Variants in ME1 observed in about 807,000 individuals in gnomAD.
ME1 encodes NADP-dependent malic enzyme.
A neutral mutation model predicts 66.4 loss-of-function variants in ME1; 74 were observed. That is an observed-to-expected ratio of 1.11 (90% CI 0.92 to 1.35). The LOEUF is 1.35. Ranked by LOEUF, ME1 falls within the 40% of genes most tolerant of loss-of-function variation. The pLI, the probability that ME1 is intolerant of heterozygous loss-of-function variation, is 0.00. For synonymous variants in ME1, 251 were observed against 235.6 expected (o/e 1.07, Z -0.60); for missense variants, 750 against 694.1 (o/e 1.08, Z -0.90).
At chr6:83,359,100 C>T (rs778484775) in intron 3 of ME1, among the ~76,000 whole-genome samples, 4 of 151,714 alleles carry the variant, frequency 2.6e-5, no homozygotes, top group South Asian at 2.1e-4. Flanking sequence ...TGGGCAGAGG[C>T]GCTCCTCACA....
At chr6:83,217,259 A>C (rs1433962598) in intron 12 of ME1, among the ~76,000 whole-genome samples, 2 of 152,186 alleles carry the variant, frequency 1.3e-5, no homozygotes, top group African/African-American at 4.8e-5. Flanking sequence ...ACTTTGATTA[A>C]ATTTCTAGAT....
chr6:83,403,476 G>A (rs953585204), intron 2 of ME1, among the ~76,000 whole-genome samples: 4 of 152,060 alleles, frequency 2.6e-5, no homozygotes, highest in Admixed American at 1.3e-4. Context: ...GCTTTCTTAG[G>A]CCTCTTTTAT....
intron 6 of ME1, among the ~76,000 whole-genome samples, chr6:83,268,024 T>G (rs1159739092): frequency 2.0e-5 from 3 of 152,188 alleles, no homozygotes; most frequent in Non-Finnish European, 2.9e-5. Flanking sequence ...AAAGGTGGCA[T>G]GCTCTATAAA....
intron 2 of ME1, among the ~76,000 whole-genome samples, chr6:83,401,923 A>G (rs1769848464): frequency 6.6e-6 from 1 of 152,202 alleles, no homozygotes; most frequent in African/African-American, 2.4e-5. Context: ...TTTCTGGCAT[A>G]GACCCTTAGT....
chr6:83,412,672 CA>C (rs11291989), intron 1 of ME1, among the ~76,000 whole-genome samples: 55,586 of 151,748 alleles, frequency 0.37, 10,685 homozygotes, highest in Middle Eastern at 0.49. Flanking sequence ...AGTAAAAAAA[CA>C]AAACTATTGA....
intron 3 of ME1, among the ~76,000 whole-genome samples, chr6:83,377,341 G>A (rs1251565558): frequency 6.6e-6 from 1 of 151,944 alleles, no homozygotes; most frequent in Non-Finnish European, 1.5e-5. Context: ...ATCTCTACAT[G>A]TTTTTTGGCA....
At chr6:83,417,366 G>T (rs201985122) in intron 1 of ME1, among the ~76,000 whole-genome samples, 1 of 130,712 alleles carries the variant, frequency 7.7e-6, no homozygotes, top group Non-Finnish European at 1.6e-5. Flanking sequence ...TTTTTTTGTT[G>T]TTTTTTGTTG....
chr6:83,370,689 G>A (rs1769178611), intron 3 of ME1, among the ~76,000 whole-genome samples: 4 of 151,920 alleles, frequency 2.6e-5, no homozygotes, highest in African/African-American at 7.3e-5. Context: ...GAAGTAAAGG[G>A]GAAAAAAGCA....
chr6:83,388,545 G>A (rs1769558756), intron 3 of ME1, among the ~76,000 whole-genome samples: 3 of 152,142 alleles, frequency 2.0e-5, no homozygotes, highest in African/African-American at 7.2e-5. Context: ...ATTAGGCTAT[G>A]TATACTACTT....
chr6:83,332,356 A>C (rs1179136551), intron 5 of ME1, among the ~76,000 whole-genome samples: 1 of 152,206 alleles, frequency 6.6e-6, no homozygotes, highest in Admixed American at 6.5e-5. Context: ...GCGATTTCTC[A>C]AAGAACATAA....
At chr6:83,303,169 C>T (rs1268358802) in intron 6 of ME1, among the ~76,000 whole-genome samples, 1 of 152,074 alleles carries the variant, frequency 6.6e-6, no homozygotes, top group East Asian at 1.9e-4. Flanking sequence ...CTTTAGGATA[C>T]AATCAGATGA....
At chr6:83,385,619 G>A (rs1372086018) in intron 3 of ME1, among the ~76,000 whole-genome samples, 10 of 151,850 alleles carry the variant, frequency 6.6e-5, no homozygotes, top group South Asian at 6.2e-4. Context: ...ATACGTCTAC[G>A]CACAAATTTA....
intron 7 of ME1, among the ~76,000 whole-genome samples, chr6:83,246,615 T>C (rs958057213): frequency 3.3e-5 from 5 of 152,174 alleles, no homozygotes; most frequent in Admixed American, 6.5e-5. Flanking sequence ...GTAATTCATT[T>C]AACCAAACCT....
intron 6 of ME1, among the ~76,000 whole-genome samples, chr6:83,289,533 G>T (rs1469235001): frequency 6.6e-6 from 1 of 152,070 alleles, no homozygotes; most frequent in Non-Finnish European, 1.5e-5. Context: ...TTTTTGATTT[G>T]CCAGTATTGT....
intron 1 of ME1, 136 bp from the exon 2 acceptor site, chr6:83,408,037 T>C: frequency 1.0e-6 from 1 of 973,596 alleles, no homozygotes; most frequent in Non-Finnish European, 1.4e-6. Context: ...GCCATGTGGC[T>C]GTGAGTAAAC....
intron 13 of ME1, among the ~76,000 whole-genome samples, chr6:83,213,013 A>G (rs1371488154): frequency 6.6e-6 from 1 of 150,544 alleles, no homozygotes; most frequent in Non-Finnish European, 1.5e-5. Context: ...ATCACTTCAT[A>G]TATACTATTT....
At chr6:83,307,785 C>G (rs770553089) in intron 6 of ME1, among the ~76,000 whole-genome samples, 1 of 138,888 alleles carries the variant, frequency 7.2e-6, no homozygotes, top group South Asian at 2.1e-4. Flanking sequence ...TAGAGTTGGA[C>G]GAAACTCTAT....
intron 3 of ME1, among the ~76,000 whole-genome samples, chr6:83,395,652 T>C (rs1484003176): frequency 1.0e-4 from 15 of 149,444 alleles, no homozygotes; most frequent in Middle Eastern, 6.9e-3. Flanking sequence ...ATTTTTGTAT[T>C]TTTAGTAGAG....
At chr6:83,371,602 A>C (rs1032174631) in intron 3 of ME1, among the ~76,000 whole-genome samples, 2 of 152,218 alleles carry the variant, frequency 1.3e-5, no homozygotes, top group Non-Finnish European at 2.9e-5. Flanking sequence ...ACTGCCAAAT[A>C]CAGTTCAAGC....
Sources: gnomAD v4.1 joint callset for allele counts (sites outside exome capture counted in the v4.1 genomes callset) on GRCh38, gnomAD v4.1.1 for gene constraint, MANE v1.5 for transcripts, NCBI Gene and HGNC (gene_info 2026-07-23, HGNC 2026-07-21) for gene names.